Variants in ADAM17 observed in about 807,000 individuals in gnomAD.
ADAM17 encodes ADAM metallopeptidase domain 17.
Under a neutral mutation model 96.7 loss-of-function variants are expected in ADAM17, and 39 were observed. The observed-to-expected ratio is 0.40, with a 90% CI of 0.31 to 0.53. The LOEUF is 0.53. ADAM17 is among the 20% of genes least tolerant of loss of function. The pLI is 0.44. For missense variants in ADAM17, 777 were observed against 1,013.2 expected (o/e 0.77, Z 3.17); for synonymous variants, 344 against 359.2 (o/e 0.96, Z 0.48).
At position 9,489,174 on chromosome 2, in the gene ADAM17, T is replaced by C. The variant is rs1473737617; in HGVS notation, c.*1003A>G. Reference sequence around the variant, plus strand: ...CTGTTTTTTTTGTTGTTGTTGTTGTTAAGAAATATCTCACCCTCTTATTCA... The same window carrying C: ...CTGTTTTTTTTGTTGTTGTTGTTGTCAAGAAATATCTCACCCTCTTATTCA... On this transcript the variant is annotated 3_prime_UTR_variant, in exon 19 of 19. Coordinates refer to ENST00000310823, the MANE Select transcript of ADAM17 (RefSeq NM_003183.6). 1 of 151,996 alleles carries C rather than the reference T, an allele frequency of 6.6e-6. No individual in the cohort carries two copies. Among genetic ancestry groups the C allele is most frequent in the Non-Finnish European group, 1.5e-5 (1 of 68,024 alleles). 9.4% of individuals were successfully genotyped at this position (151,996 alleles called of 1,614,324 possible). A position where few individuals can be genotyped will look rare whatever the true frequency, so the allele number is the denominator to read the frequency against.
chr2:9,492,836 C>A, intron 17 of ADAM17, 62 bp downstream of exon 17: 1 of 1,401,592 alleles, frequency 7.1e-7, no homozygotes, highest in South Asian at 1.4e-5. Flanking sequence ...CCAGAGATTA[C>A]ATGGTTGGAG....
At position 9,492,861 on chromosome 2, in the gene ADAM17, A is replaced by C. The variant is rs1218436914; in HGVS notation, c.2082+37T>G. 4 of 1,547,780 alleles carry C rather than the reference A, an allele frequency of 2.6e-6. No individual in the cohort carries two copies. The Admixed American group carries it at 7.3e-5, about 28-fold the overall frequency. On this transcript the variant is annotated intron_variant, in intron 17 of 18. Coordinates refer to ENST00000310823, the MANE Select transcript of ADAM17 (RefSeq NM_003183.6). ...CATGGTTGGAGTTGATCAAAATTTA[A>C]ATAAAACATTTAATTACTTAAAAGT...
rs1572878674 is a variant in ADAM17, at chr2:9,493,930, C to A, written c.1915-105G>T. Reference sequence around the variant, plus strand: ...GACATGTAAAGGGCTTCATTAAAATCAAACGTTTTCCCATCTTTGACACAA... The same window carrying A: ...GACATGTAAAGGGCTTCATTAAAATAAAACGTTTTCCCATCTTTGACACAA... On this transcript the variant is annotated intron_variant, in intron 15 of 18. Transcript: ENST00000310823. The A allele has an allele frequency of 1.3e-5, 12 of 916,628 alleles. 1 individual carries two copies. The South Asian group carries it at 2.1e-4, about 16-fold the overall frequency. 56.8% of individuals were successfully genotyped at this position (916,628 alleles called of 1,614,324 possible). A position where few individuals can be genotyped will look rare whatever the true frequency, so the allele number is the denominator to read the frequency against.
rs112594248 is a variant in ADAM17, at chr2:9,543,205, G to T, written c.178C>A (p.Leu60Ile). The T allele has an allele frequency of 1.2e-4, 191 of 1,610,494 alleles. 1 individual carries two copies. The African/African-American group carries it at 2.3e-3, about 19-fold the overall frequency. Residue 60 changes from leucine (L) to isoleucine (I), a missense_variant, in exon 2 of 19, where the codon CTA (leucine) becomes ATA (isoleucine). Coordinates refer to ENST00000310823, the MANE Select transcript of ADAM17 (RefSeq NM_003183.6). ...IQQHSVRKRDLQTSTHVETLL... is the reference protein window; with the variant it reads ...IQQHSVRKRDIQTSTHVETLL... ...GTTTCTACATGTGTTGAAGTCTGTA[G>T]ATCTCTTTTTCTTACCGAATGCTGC...
chr2:9,535,817 T>A lies in ADAM17; in HGVS notation c.450+17A>T, dbSNP rs751518092. ...AGAGATATAAGCTACTGAAAAAAAA[T>A]TCACATATAAATTTACCTCTATGTT... is the stretch of plus-strand genomic sequence containing the variant. On this transcript the variant is annotated intron_variant, in intron 4 of 18. Coordinates refer to ENST00000310823, the MANE Select transcript of ADAM17 (RefSeq NM_003183.6). The A allele has an allele frequency of 6.5e-7, 1 of 1,528,934 alleles. No homozygotes were observed. The highest frequency in any genetic ancestry group is 8.9e-7 in the Non-Finnish European group (1 of 1,122,880). The allele number at this position is 1,528,934 out of a possible 1,614,324, so 94.7% of individuals were successfully genotyped here.
chr2:9,525,299 G>GAAAA (rs374286925), intron 6 of ADAM17, among the ~76,000 whole-genome samples: 2 of 123,360 alleles, frequency 1.6e-5, no homozygotes, highest in Admixed American at 8.7e-5. Context: ...ACTCTGTGTT[G>GAAAA]AAAAAAAAAA....
chr2:9,521,461 A>G (rs1489107978), intron 7 of ADAM17, 145 bp from the exon 8 acceptor site: 9 of 443,714 alleles, frequency 2.0e-5, no homozygotes, highest in African/African-American at 6.1e-5. Flanking sequence ...CTTCAGTACC[A>G]ATATTCAATG....
rs1355666965 is a variant in ADAM17 at position 9,502,253 on chromosome 2, T to G, written c.1568A>C (p.Lys523Thr). The G allele has an allele frequency of 6.2e-7, 1 of 1,614,016 alleles. No homozygotes were observed. The highest frequency in any genetic ancestry group is 1.7e-5 in the Admixed American group (1 of 60,004). Reference sequence around the variant, plus strand: ...CTGGGCAGTCTCAAACTGACAGTTTTTACAGCAAGGACTGTTCCTGTCACT... The same window carrying G: ...CTGGGCAGTCTCAAACTGACAGTTTGTACAGCAAGGACTGTTCCTGTCACT... ...QCSDRNSPCCKNCQFETAQKK... is the reference protein window; with the variant it reads ...QCSDRNSPCCTNCQFETAQKK... The change falls in exon 13 of 19, where the codon AAA becomes ACA. Residue 523 changes from lysine to threonine, a missense_variant. By Grantham distance (78) the Lys-to-Thr change is moderately conservative. This residue lies in a region of ADAM17 where 446 missense variants were observed against 664.7 expected (regional missense o/e 0.67). Coordinates refer to ENST00000310823, the MANE Select transcript of ADAM17 (RefSeq NM_003183.6).
chr2:9,536,334 A>C (rs770922747), intron 3 of ADAM17, among the ~76,000 whole-genome samples: 18 of 152,158 alleles, frequency 1.2e-4, no homozygotes, highest in Admixed American at 3.9e-4. Context: ...TTGTTTGATA[A>C]ATTTTCTCAA....
At chr2:9,545,968 T>C (rs770078340) in intron 1 of ADAM17, among the ~76,000 whole-genome samples, 2 of 151,784 alleles carry the variant, frequency 1.3e-5, no homozygotes, top group Non-Finnish European at 2.9e-5. Context: ...CATGGTGGCA[T>C]GTGCTTGTAG....
chr2:9,522,398 T>C, intron 7 of ADAM17: 1 of 567,462 alleles, frequency 1.8e-6, no homozygotes, highest in East Asian at 2.9e-5. Context: ...TACTTTTCAC[T>C]GGCTTTTGTA....
At chr2:9,517,273 C>T (rs755552950) in intron 10 of ADAM17, among the ~76,000 whole-genome samples, 98 of 152,076 alleles carry the variant, frequency 6.4e-4, no homozygotes, top group Non-Finnish European at 1.0e-3. Flanking sequence ...TGGAGAAAAA[C>T]AAGATCTTAA....
At chr2:9,538,326 A>C (rs1486038702) in intron 2 of ADAM17, among the ~76,000 whole-genome samples, 5 of 152,230 alleles carry the variant, frequency 3.3e-5, no homozygotes, top group Non-Finnish European at 5.9e-5. Flanking sequence ...TACCGGAAAG[A>C]AATCTAGACT....
intron 11 of ADAM17, among the ~76,000 whole-genome samples, chr2:9,509,355 G>A (rs1663598810): frequency 6.6e-6 from 1 of 152,178 alleles, no homozygotes; most frequent in African/African-American, 2.4e-5. Flanking sequence ...CACTCTTAAA[G>A]TCTCTGAAAG....
Position 9,492,481 on chromosome 2 carries a change from A to C in ADAM17, c.2082+417T>G, listed in dbSNP as rs536750396. Among the ~76,000 whole-genome samples the C allele has an allele frequency of 1.2e-4, 19 of 152,316 alleles. 1 individual carries two copies. In the South Asian group the frequency reaches 3.7e-3, roughly 30 times the overall value. ...ACATCCTATTTGTGCAGAAGGCTGA[A>C]GACATAGCCATCTGCTGCCAATAAT... On this transcript the variant is annotated intron_variant, in intron 17 of 18. Coordinates refer to ENST00000310823, the MANE Select transcript of ADAM17 (RefSeq NM_003183.6).
At chr2:9,495,773 T>A (rs1662541088) in intron 14 of ADAM17, among the ~76,000 whole-genome samples, 1 of 152,062 alleles carries the variant, frequency 6.6e-6, no homozygotes, top group Non-Finnish European at 1.5e-5. Flanking sequence ...CTTGGACTTT[T>A]ACTGTGTCGG....
chr2:9,502,792 T>A (rs1014060570), intron 12 of ADAM17, among the ~76,000 whole-genome samples: 76 of 144,156 alleles, frequency 5.3e-4, no homozygotes, highest in African/African-American at 1.9e-3. Context: ...GGCAGGAGAA[T>A]CGCCTGGACC....
intron 1 of ADAM17, among the ~76,000 whole-genome samples, chr2:9,550,978 G>A (rs1277663895): frequency 2.6e-5 from 4 of 151,688 alleles, no homozygotes; most frequent in South Asian, 2.1e-4. Flanking sequence ...GTGAGGCTGA[G>A]GCACGAGAAT....
chr2:9,517,963 T>C lies in ADAM17; in HGVS notation c.1129A>G (p.Asn377Asp), dbSNP rs1664137858. 4.4e-6 allele frequency: 7 copies of C among 1,604,608 alleles called. No individual in the cohort carries two copies. The East Asian group carries it at 1.3e-4, about 31-fold the overall frequency. ...GTCAAACCACTATTCAAATAGATAT[T>C]TTTCTTCCCAACTGGGCTATAATAA... ...KAYYSPVGKK[N>D]IYLNSGLTST... Residue 377 changes from asparagine (N) to aspartate (D), a missense_variant, in exon 10 of 19, where the codon AAT becomes GAT. By Grantham distance (23) the Asn-to-Asp change is conservative. Transcript: ENST00000310823.
Sources: gnomAD v4.1 joint callset for allele counts (sites outside exome capture counted in the v4.1 genomes callset) on GRCh38, gnomAD v4.1.1 for gene constraint, gnomAD v4.1.1 regional missense constraint, MANE v1.5 for transcripts, NCBI Gene and HGNC (gene_info 2026-07-23, HGNC 2026-07-21) for gene names.